AKT3: variants seen among roughly 807,000 people sequenced by gnomAD.
AKT3 encodes RAC-gamma serine/threonine-protein kinase.
In AKT3, 15 loss-of-function variants were observed where a neutral mutation model predicts 65.3. The observed-to-expected ratio is 0.23, with a 90% CI of 0.15 to 0.35. AKT3 has a LOEUF of 0.35. Ranked by LOEUF, AKT3 falls within the 10% of genes least tolerant of loss-of-function variation. The probability of loss-of-function intolerance (pLI) is 1.00; values close to 1 mark genes in which losing one functional copy is unlikely to be tolerated. For missense variants in AKT3, 243 were observed against 576.5 expected, an observed-to-expected ratio of 0.42 and a Z score of 5.92; for synonymous variants, 206 against 183.8, an observed-to-expected ratio of 1.12 and a Z score of -0.98.
intron 2 of AKT3, among the ~76,000 whole-genome samples, chr1:243,705,666 C>T (rs774543053): frequency 1.1e-4 from 16 of 152,144 alleles, no homozygotes; most frequent in Admixed American, 5.9e-4. Context: ...AGCATCCACA[C>T]GGACTAGCCA....
At chr1:243,609,431 GCAGATCACTTGAGGT>G (rs1350001847) in intron 8 of AKT3, among the ~76,000 whole-genome samples, 1 of 151,752 alleles carries the variant, frequency 6.6e-6, no homozygotes, top group African/African-American at 2.4e-5. Context: ...GCCGAGGTGG[GCAGATCACTTGAGGT>G]CAGGAGTTCA....
At chr1:243,788,867 T>TGA (rs1691439152) in intron 2 of AKT3, 1 of 152,332 alleles carries the variant, frequency 6.6e-6, no homozygotes, top group Non-Finnish European at 1.5e-5. Flanking sequence ...CAATTGACTC[T>TGA]TCCTTATGAA....
At chr1:243,845,948 G>A (rs1401600726) in intron 1 of AKT3, among the ~76,000 whole-genome samples, 6 of 151,996 alleles carry the variant, frequency 3.9e-5, no homozygotes, top group South Asian at 2.1e-4. Context: ...CTCAGTTTCC[G>A]GAGCCATAAA....
At chr1:243,728,497 T>C (rs142034212) in intron 2 of AKT3, among the ~76,000 whole-genome samples, 8 of 152,330 alleles carry the variant, frequency 5.3e-5, no homozygotes, top group African/African-American at 1.9e-4. Context: ...AAGAGTACTG[T>C]GAACTTATGG....
At chr1:243,590,940 A>T (rs1257198190) in intron 8 of AKT3, among the ~76,000 whole-genome samples, 1 of 152,222 alleles carries the variant, frequency 6.6e-6, no homozygotes, top group Admixed American at 6.5e-5. Flanking sequence ...GATAGTTATG[A>T]TTACTCCAGC....
intron 6 of AKT3, among the ~76,000 whole-genome samples, chr1:243,630,225 C>A (rs1181934969): frequency 6.6e-6 from 1 of 152,128 alleles, no homozygotes; most frequent in East Asian, 1.9e-4. Context: ...CAGCCAATAT[C>A]CCCAGAAGTC....
At chr1:243,716,777 C>T (rs1371967212) in intron 2 of AKT3, among the ~76,000 whole-genome samples, 1 of 152,172 alleles carries the variant, frequency 6.6e-6, no homozygotes, top group African/African-American at 2.4e-5. Flanking sequence ...TATTCAGAAG[C>T]AGGCCTCAGC....
At chr1:243,686,076 C>G (rs181501117) in intron 3 of AKT3, among the ~76,000 whole-genome samples, 1 of 152,178 alleles carries the variant, frequency 6.6e-6, no homozygotes, top group East Asian at 1.9e-4. Context: ...TCACGGAAGG[C>G]TACAAACCAC....
chr1:243,504,452 AG>A lies in AKT3; in HGVS notation c.*796del. 2 of 192,300 alleles carry A rather than the reference AG, an allele frequency of 1.0e-5. No homozygotes were observed. The highest frequency in any genetic ancestry group is 1.9e-4 in the South Asian group (1 of 5,176). 11.9% of individuals were successfully genotyped at this position (192,300 alleles called of 1,614,324 possible). ...AGAAGGAAAAAAGGTTTCCAAGCAC[AG>A]GGGAAAGATGCTCTCTGGCTCAAAT... On this transcript the variant is annotated 3_prime_UTR_variant, in exon 14 of 14. Transcript: ENST00000673466.
intron 2 of AKT3, among the ~76,000 whole-genome samples, chr1:243,832,160 A>AAAAAAAAAAAAAAAAT (rs1572424209): frequency 1.2e-5 from 1 of 84,536 alleles, no homozygotes; most frequent in East Asian, 3.3e-4. Flanking sequence ...AAAAAAAAAA[A>AAAAAAAAAAAAAAAAT]AAAAGACTAG....
At position 243,702,425 on chromosome 1, in the gene AKT3, A is replaced by C. The variant is rs6673286; in HGVS notation, c.47-6709T>G. Among the ~76,000 whole-genome samples the C allele has an allele frequency of 1.6e-3, 248 of 152,266 alleles. 1 individual carries two copies. Among genetic ancestry groups the C allele is most frequent in the African/African-American group, 5.6e-3 (234 of 41,560 alleles). ...CATGAACCTAACCTCTTTACATCTC[A>C]GGGTCCTCATCTGAAAAACAGAAAT... On this transcript the variant is annotated intron_variant, in intron 2 of 13. Transcript: ENST00000673466.
intron 2 of AKT3, among the ~76,000 whole-genome samples, chr1:243,722,846 T>C (rs1437676388): frequency 2.0e-5 from 3 of 152,170 alleles, no homozygotes; most frequent in Non-Finnish European, 4.4e-5. Context: ...CAATTAATCT[T>C]TCTCAAGAAA....
intron 8 of AKT3, chr1:243,613,104 T>TAC (rs1362747858): frequency 5.5e-5 from 8 of 144,172 alleles, no homozygotes; most frequent in African/African-American, 2.0e-4. Flanking sequence ...CACACACATA[T>TAC]ATACCCACCC....
At chr1:243,842,192 C>T (rs1281970341) in intron 2 of AKT3, among the ~76,000 whole-genome samples, 2 of 152,030 alleles carry the variant, frequency 1.3e-5, no homozygotes, top group Non-Finnish European at 2.9e-5. Context: ...AAAAATAATC[C>T]ATAATCACAT....
chr1:243,683,962 A>G (rs1684096791), intron 3 of AKT3, among the ~76,000 whole-genome samples: 1 of 152,166 alleles, frequency 6.6e-6, no homozygotes, highest in Non-Finnish European at 1.5e-5. Flanking sequence ...GGGAATAACA[A>G]CAGTCACACA....
intron 3 of AKT3, among the ~76,000 whole-genome samples, chr1:243,673,961 T>C (rs1683330528): frequency 6.6e-6 from 1 of 152,204 alleles, no homozygotes; most frequent in Non-Finnish European, 1.5e-5. Flanking sequence ...AAACTGGGAT[T>C]TGATAACAAA....
intron 3 of AKT3, among the ~76,000 whole-genome samples, chr1:243,683,331 T>C (rs1481183160): frequency 1.3e-5 from 2 of 152,164 alleles, no homozygotes; most frequent in Non-Finnish European, 2.9e-5. Context: ...GTTGAGAACA[T>C]AATAACCCTC....
At position 243,504,505 on chromosome 1, in the gene AKT3, T is replaced by C. The variant is rs1669534786; in HGVS notation, c.*744A>G. On this transcript the variant is annotated 3_prime_UTR_variant, in exon 14 of 14. Transcript: ENST00000673466. ...GTTTCATAAGACCCTTTAAGTGACC[T>C]TGACTGTGCATATGCCTTCAGTTCT... 2 of 193,386 alleles carry C rather than the reference T, an allele frequency of 1.0e-5. No individual in the cohort carries two copies. Among genetic ancestry groups the C allele is most frequent in the East Asian group, 8.2e-5 (1 of 12,246 alleles). 12.0% of individuals were successfully genotyped at this position (193,386 alleles called of 1,614,324 possible). A position where few individuals can be genotyped will look rare whatever the true frequency, so the allele number is the denominator to read the frequency against.
At chr1:243,706,538 T>A (rs892353846) in intron 2 of AKT3, among the ~76,000 whole-genome samples, 44 of 152,192 alleles carry the variant, frequency 2.9e-4, no homozygotes, top group African/African-American at 9.9e-4. Context: ...GTTTTTCCTC[T>A]AAGAAAAGTC....
Sources: allele counts gnomAD v4.1 joint callset (sites outside exome capture counted in the v4.1 genomes callset), GRCh38; gene constraint gnomAD v4.1.1; transcripts MANE v1.5; gene names NCBI Gene and HGNC (gene_info 2026-07-23, HGNC 2026-07-21).